The following DOCK10 variants were observed in gnomAD, a reference collection of about 807,000 sequenced individuals.
DOCK10 encodes dedicator of cytokinesis protein 10.
A neutral mutation model predicts 280.1 loss-of-function variants in DOCK10; 145 were observed. The observed-to-expected ratio is 0.52, with a 90% CI of 0.45 to 0.59. The LOEUF (loss-of-function observed/expected upper bound fraction) is 0.59, where lower values mean the gene tolerates loss of function less well. Among genes scored for constraint, DOCK10 ranks in the 20% least tolerant of loss-of-function variants. The pLI is 0.00. For missense variants in DOCK10, 2,368 were observed against 2,651.7 expected (o/e 0.89, Z 2.35); for synonymous variants, 915 against 942.2 (o/e 0.97, Z 0.53).
chr2:224,988,702 C>T (rs1559930895), intron 1 of DOCK10, among the ~76,000 whole-genome samples: 1 of 152,166 alleles, frequency 6.6e-6, no homozygotes. Context: ...ATGACAGTTT[C>T]AGAAACCAGC....
At chr2:224,817,399 G>T (rs779860687) in intron 29 of DOCK10, among the ~76,000 whole-genome samples, 4 of 152,120 alleles carry the variant, frequency 2.6e-5, no homozygotes, top group Non-Finnish European at 5.9e-5. Context: ...CATGTTTTAA[G>T]ACTAAGTTCG....
chr2:224,873,880 G>A (rs1278246553), intron 11 of DOCK10, 116 bp downstream of exon 11: 1 of 1,065,754 alleles, frequency 9.4e-7, no homozygotes, highest in Non-Finnish European at 1.3e-6. Flanking sequence ...AATATTCCCT[G>A]GTACACTAGA....
At chr2:224,893,508 C>A (rs1308956758) in intron 4 of DOCK10, 1 of 254,650 alleles carries the variant, frequency 3.9e-6, no homozygotes, top group Non-Finnish European at 8.3e-6. Context: ...TTAATGAAAT[C>A]AGTGGCATCA....
chr2:224,979,023 C>A (rs1705606841), intron 1 of DOCK10, among the ~76,000 whole-genome samples: 1 of 152,196 alleles, frequency 6.6e-6, no homozygotes, highest in Non-Finnish European at 1.5e-5. Flanking sequence ...TATCCAGAAT[C>A]TGACTACTTT....
chr2:225,041,279 AAC>A (rs1690416283), intron 1 of DOCK10, among the ~76,000 whole-genome samples: 1 of 152,224 alleles, frequency 6.6e-6, no homozygotes, highest in Non-Finnish European at 1.5e-5. Flanking sequence ...AAGAAAATGA[AAC>A]ACACAACCCG....
At chr2:224,953,929 G>C (rs2135873) in intron 1 of DOCK10, among the ~76,000 whole-genome samples, 128,867 of 151,896 alleles carry the variant, frequency 0.85, 55,029 homozygotes, top group East Asian at 1. Context: ...TGTGTGTGCA[G>C]AGTGTGTGTG....
At chr2:224,925,933 T>A (rs895673706) in intron 2 of DOCK10, among the ~76,000 whole-genome samples, 6 of 152,402 alleles carry the variant, frequency 3.9e-5, no homozygotes, top group African/African-American at 1.2e-4. Context: ...TTGCTTTCTT[T>A]TCTTACTTTC....
At chr2:225,037,762 T>TA (rs1690300680) in intron 1 of DOCK10, among the ~76,000 whole-genome samples, 2 of 152,328 alleles carry the variant, frequency 1.3e-5, no homozygotes, top group African/African-American at 4.8e-5. Flanking sequence ...TGCTAGGCCT[T>TA]AGAGAATCTG....
intron 27 of DOCK10, among the ~76,000 whole-genome samples, chr2:224,825,476 T>C (rs1446955155): frequency 6.6e-6 from 1 of 152,228 alleles, no homozygotes; most frequent in African/African-American, 2.4e-5. Context: ...AGGTAAACAA[T>C]TCACCTACAA....
intron 1 of DOCK10, among the ~76,000 whole-genome samples, chr2:224,991,552 A>G (rs1347852025): frequency 6.6e-6 from 1 of 151,896 alleles, no homozygotes; most frequent in East Asian, 1.9e-4. Flanking sequence ...CTCAAAAACA[A>G]TAAAGTCATG....
chr2:224,999,308 A>G (rs138035176), intron 1 of DOCK10, among the ~76,000 whole-genome samples: 1 of 151,862 alleles, frequency 6.6e-6, no homozygotes, highest in Non-Finnish European at 1.5e-5. Flanking sequence ...CTGGCTTTAA[A>G]GATCCTCCTG....
At chr2:224,906,679 C>T (rs890411188) in intron 3 of DOCK10, among the ~76,000 whole-genome samples, 2 of 152,214 alleles carry the variant, frequency 1.3e-5, no homozygotes, top group African/African-American at 2.4e-5. Context: ...CAGGGTTTCA[C>T]CATATTAGCC....
intron 1 of DOCK10, among the ~76,000 whole-genome samples, chr2:224,961,398 TTC>T (rs544580894): frequency 1.7e-4 from 19 of 111,764 alleles, no homozygotes; most frequent in Non-Finnish European, 2.3e-4. Context: ...TAGCAGCATT[TTC>T]TTTCTTTCTT....
chr2:224,956,851 G>A (rs1027590523), intron 1 of DOCK10, among the ~76,000 whole-genome samples: 5 of 152,072 alleles, frequency 3.3e-5, no homozygotes, highest in Admixed American at 3.3e-4. Flanking sequence ...TTTTCCTAAT[G>A]TATACTCAGT....
chr2:224,928,292 T>TCTCTGTTGCTTCTACTGCAA (rs1702147507), intron 2 of DOCK10, among the ~76,000 whole-genome samples: 1 of 152,222 alleles, frequency 6.6e-6, no homozygotes, highest in Non-Finnish European at 1.5e-5. Flanking sequence ...CGGCTGAATG[T>TCTCTGTTGCTTCTACTGCAA]CTCTGTTGCT....
intron 4 of DOCK10, among the ~76,000 whole-genome samples, chr2:224,890,028 G>A (rs969704275): frequency 5.9e-5 from 9 of 152,256 alleles, no homozygotes; most frequent in Middle Eastern, 3.4e-3. Flanking sequence ...CATCCCAAGT[G>A]AATGAAAAAA....
chr2:224,886,231 T>C (rs754856868), intron 5 of DOCK10, 46 bp from the exon 6 acceptor site: 14 of 1,612,036 alleles, frequency 8.7e-6, no homozygotes, highest in Non-Finnish European at 1.2e-5. Flanking sequence ...TTGTGGATCC[T>C]AGATCCTAGA....
rs371722292 is a variant in DOCK10 at position 224,811,045 on chromosome 2, C to G, written c.3410-2959G>C. Among the ~76,000 whole-genome samples the G allele has an allele frequency of 2.6e-4, 39 of 152,198 alleles. No individual in the cohort carries two copies. The East Asian group carries it at 5.2e-3, about 20-fold the overall frequency. On this transcript the variant is annotated intron_variant, in intron 31 of 55. Coordinates refer to ENST00000258390, the MANE Select transcript of DOCK10 (RefSeq NM_014689.3). ...AAATGGTATTTCTAGTTCGAGATCC[C>G]TGAGGAATCGCCACACTGACTTCCA...
intron 22 of DOCK10, among the ~76,000 whole-genome samples, chr2:224,842,576 C>T (rs916354321): frequency 2.6e-5 from 4 of 152,140 alleles, no homozygotes; most frequent in African/African-American, 9.7e-5. Flanking sequence ...TTCCCTCAGG[C>T]CACTGTGTGT....
Sources: gnomAD v4.1 joint callset for allele counts (sites outside exome capture counted in the v4.1 genomes callset) on GRCh38, gnomAD v4.1.1 for gene constraint, MANE v1.5 for transcripts, NCBI Gene and HGNC (gene_info 2026-07-23, HGNC 2026-07-21) for gene names.